The following DOCK3 variants were observed in gnomAD, a reference collection of about 807,000 sequenced individuals.
DOCK3 encodes the protein dedicator of cytokinesis protein 3.
A neutral mutation model predicts 265.6 loss-of-function variants in DOCK3; 60 were observed. The observed-to-expected ratio is 0.23, with a 90% confidence interval of 0.18 to 0.28. The LOEUF (loss-of-function observed/expected upper bound fraction) is 0.28. Among genes scored for constraint, DOCK3 ranks in the 10% least tolerant of loss-of-function variants. The pLI, the probability that DOCK3 is intolerant of heterozygous loss-of-function variation, is 1.00. For synonymous variants in DOCK3, 881 were observed against 938.0 expected (o/e 0.94, Z 1.11); for missense variants, 1,981 against 2,594.3 (o/e 0.76, Z 5.14).
intron 27 of DOCK3, among the ~76,000 whole-genome samples, chr3:51,290,623 A>G (rs1212510408): frequency 6.6e-6 from 1 of 152,192 alleles, no homozygotes; most frequent in Non-Finnish European, 1.5e-5. Flanking sequence ...AACATGGCAC[A>G]TGTATATATA....
chr3:50,888,807 T>C (rs2048479856), intron 3 of DOCK3, among the ~76,000 whole-genome samples: 1 of 152,142 alleles, frequency 6.6e-6, no homozygotes, highest in Admixed American at 6.6e-5. Flanking sequence ...TGGCTAGCCA[T>C]ATGTAGAAAG....
chr3:51,202,996 T>G (rs2088904067), intron 12 of DOCK3, among the ~76,000 whole-genome samples: 1 of 152,148 alleles, frequency 6.6e-6, no homozygotes, highest in South Asian at 2.1e-4. Flanking sequence ...CTCAATAAAT[T>G]AGGTATTGAT....
intron 12 of DOCK3, among the ~76,000 whole-genome samples, chr3:51,200,542 C>G (rs540738445): frequency 6.6e-6 from 1 of 150,810 alleles, no homozygotes; most frequent in African/African-American, 2.4e-5. Context: ...AAATCTACGT[C>G]TGATTGGTGT....
chr3:50,738,771 A>T (rs1355089103), intron 1 of DOCK3, among the ~76,000 whole-genome samples: 1 of 152,188 alleles, frequency 6.6e-6, no homozygotes, highest in African/African-American at 2.4e-5. Flanking sequence ...CTTAAATAAA[A>T]TGTCACTTTA....
intron 49 of DOCK3, among the ~76,000 whole-genome samples, chr3:51,368,370 T>C (rs2087410196): frequency 6.6e-6 from 1 of 152,188 alleles, no homozygotes; most frequent in African/African-American, 2.4e-5. Context: ...ACTGCGCTTT[T>C]CCAGTGGCCT....
intron 12 of DOCK3, among the ~76,000 whole-genome samples, chr3:51,178,018 C>T (rs1157960392): frequency 1.2e-5 from 1 of 80,838 alleles, no homozygotes; most frequent in Non-Finnish European, 2.4e-5. Flanking sequence ...CAAAAAAAAA[C>T]TCAAAATAGT....
rs1459756873 is a variant in DOCK3, at chr3:50,787,714, ATTC to A, written c.121+8962_121+8964del. 4.7e-6 allele frequency: 6 copies of A among 1,280,410 alleles called. No individual in the cohort carries two copies. In the African/African-American group the frequency reaches 7.4e-5, roughly 16 times the overall value. 79.3% of individuals were successfully genotyped at this position (1,280,410 alleles called of 1,614,324 possible). On this transcript the variant is annotated intron_variant, in intron 2 of 52. Transcript: ENST00000266037. ...TGCAGCAACAGAGGCAGCTCTCCTCATTCTTCTTTCTGTAACGCTGACTTTCTC... is the reference window on the plus strand; with the variant it reads ...TGCAGCAACAGAGGCAGCTCTCCTCATTCTTTCTGTAACGCTGACTTTCTC...
chr3:50,757,286 C>G (rs2108355948), intron 1 of DOCK3, among the ~76,000 whole-genome samples: 1 of 151,564 alleles, frequency 6.6e-6, no homozygotes, highest in East Asian at 1.9e-4. Context: ...TTTCTCCTGC[C>G]TCAGCCTCCT....
chr3:51,115,659 T>G (rs545109211), intron 9 of DOCK3, among the ~76,000 whole-genome samples: 1 of 152,326 alleles, frequency 6.6e-6, no homozygotes, highest in Admixed American at 6.5e-5. Flanking sequence ...TAGATCCCAT[T>G]TGTCTATTTT....
chr3:51,032,200 T>C (rs1396469192), intron 5 of DOCK3, among the ~76,000 whole-genome samples: 6 of 151,904 alleles, frequency 3.9e-5, no homozygotes, highest in Non-Finnish European at 8.8e-5. Flanking sequence ...CTTCAGTGAT[T>C]TTTCCACAGT....
chr3:51,213,914 C>A (rs1303054268), intron 13 of DOCK3, among the ~76,000 whole-genome samples: 1 of 152,152 alleles, frequency 6.6e-6, no homozygotes, highest in African/African-American at 2.4e-5. Flanking sequence ...TAGACTAATT[C>A]TCTGGGTTAT....
At chr3:50,916,147 C>T (rs1336252730) in intron 4 of DOCK3, among the ~76,000 whole-genome samples, 1 of 152,102 alleles carries the variant, frequency 6.6e-6, no homozygotes, top group Non-Finnish European at 1.5e-5. Flanking sequence ...GCTATGTGGA[C>T]TCCAGGCAGC....
chr3:50,795,650 G>A (rs2042732252), intron 2 of DOCK3, among the ~76,000 whole-genome samples: 1 of 150,030 alleles, frequency 6.7e-6, no homozygotes, highest in Non-Finnish European at 1.5e-5. Context: ...GATTTGGTCT[G>A]TTTACATAAG....
At chr3:51,067,321 G>T (rs1348972234) in intron 6 of DOCK3, among the ~76,000 whole-genome samples, 2 of 151,812 alleles carry the variant, frequency 1.3e-5, no homozygotes, top group Non-Finnish European at 2.9e-5. Flanking sequence ...TGATAGCTTA[G>T]AAACAAGTTC....
chr3:50,806,715 A>G (rs1302612612), intron 2 of DOCK3, among the ~76,000 whole-genome samples: 1 of 152,032 alleles, frequency 6.6e-6, no homozygotes, highest in Non-Finnish European at 1.5e-5. Context: ...GGTGCTTGGC[A>G]TAATGAAGAT....
At chr3:50,730,896 C>T (rs1230184237) in intron 1 of DOCK3, among the ~76,000 whole-genome samples, 16 of 151,612 alleles carry the variant, frequency 1.1e-4, no homozygotes, top group East Asian at 3.9e-4. Flanking sequence ...TTTGGGAGGC[C>T]GAGGTGGGTG....
intron 2 of DOCK3, among the ~76,000 whole-genome samples, chr3:50,817,461 A>T (rs948253329): frequency 2.8e-5 from 4 of 142,706 alleles, no homozygotes; most frequent in African/African-American, 5.1e-5. Context: ...CAACTAATTA[A>T]ATTTTTTTTT....
At chr3:51,289,940 A>T (rs1287073450) in intron 27 of DOCK3, among the ~76,000 whole-genome samples, 1 of 152,244 alleles carries the variant, frequency 6.6e-6, no homozygotes, top group Non-Finnish European at 1.5e-5. Flanking sequence ...AAAAATGCTC[A>T]TCATCACTGG....
At chr3:50,780,463 A>G (rs550230375) in intron 2 of DOCK3, among the ~76,000 whole-genome samples, 10 of 152,334 alleles carry the variant, frequency 6.6e-5, no homozygotes, top group African/African-American at 2.4e-4. Context: ...GCTTCCACTC[A>G]TGGCAAAAGT....
Sources: allele counts gnomAD v4.1 joint callset (sites outside exome capture counted in the v4.1 genomes callset), GRCh38; gene constraint gnomAD v4.1.1; transcripts MANE v1.5; gene names NCBI Gene and HGNC (gene_info 2026-07-23, HGNC 2026-07-21).